The following KHDRBS2 variants were observed in gnomAD, a reference collection of about 807,000 sequenced individuals.
KHDRBS2 encodes KH domain-containing, RNA-binding, signal transduction-associated protein 2.
KHDRBS2 carries 26 observed loss-of-function variants against 44.3 expected under a neutral mutation model. That is an observed-to-expected ratio of 0.59 (90% CI 0.43 to 0.81). KHDRBS2 has a LOEUF of 0.81. Among genes scored for constraint, KHDRBS2 ranks in the 40% least tolerant of loss-of-function variants. The pLI is 0.00. For synonymous variants in KHDRBS2, 194 were observed against 151.1 expected (o/e 1.28, Z -2.08); for missense variants, 476 against 433.1 (o/e 1.10, Z -0.88).
In KHDRBS2 at chr6:62,034,870, C is replaced by T. The variant is rs532235352; in HGVS notation, c.336+13008G>A. Among the ~76,000 whole-genome samples the T allele has an allele frequency of 1.3e-4, 20 of 151,630 alleles. No homozygotes were observed. The East Asian group carries it at 1.4e-3, about 10-fold the overall frequency. On this transcript the variant is annotated intron_variant, in intron 3 of 8. Transcript: ENST00000281156. ...GAAAAGAACATATGTAAGTAGCAAA[C>T]GAATATATGAAAAGGTGTCCACATC...
the KHDRBS2 span, among the ~76,000 whole-genome samples, chr6:61,551,434 T>G: frequency 6.6e-6 from 1 of 152,330 alleles, no homozygotes; most frequent in African/African-American, 2.4e-5. Context: ...TCATGAAATC[T>G]TTTTCCATTC....
intron 1 of KHDRBS2, among the ~76,000 whole-genome samples, chr6:62,277,124 C>A (rs1438260138): frequency 6.6e-6 from 1 of 152,022 alleles, no homozygotes; most frequent in African/African-American, 2.4e-5. Context: ...TTATGACTTT[C>A]TCTGAATTCC....
chr6:62,005,493 A>T (rs1779043615), intron 3 of KHDRBS2, among the ~76,000 whole-genome samples: 3 of 151,948 alleles, frequency 2.0e-5, no homozygotes, highest in Non-Finnish European at 4.4e-5. Flanking sequence ...ATCTCCTAGA[A>T]TATGAATTTC....
the KHDRBS2 span, among the ~76,000 whole-genome samples, chr6:61,651,764 T>C: frequency 6.6e-6 from 1 of 152,096 alleles, no homozygotes; most frequent in Non-Finnish European, 1.5e-5. Flanking sequence ...TGTTTAGTCA[T>C]CAGAATTTTT....
rs1459509813 is a variant in KHDRBS2, at chr6:61,945,108, AAAAAGTATATATATATATATATATATAT to A, written c.483+32930_483+32957del. Among the ~76,000 whole-genome samples the A allele has an allele frequency of 3.5e-3, 191 of 54,992 alleles. 15 individuals carry two copies. Among genetic ancestry groups the A allele is most frequent in the African/African-American group, 0.018 (187 of 10,322 alleles). The allele number at this position is 54,992 out of a possible 152,430, so 36.1% of individuals were successfully genotyped here. A position where few individuals can be genotyped will look rare whatever the true frequency, so the allele number is the denominator to read the frequency against. On this transcript the variant is annotated intron_variant, in intron 4 of 8. Transcript: ENST00000281156. ...TCTGTCTTAAAAAAAAAAAAAAAAA[AAAAAGTATATATATATATATATATATAT>A]ATATATATATATATACACACAGACT...
At chr6:62,118,949 C>T (rs1160161726) in intron 2 of KHDRBS2, among the ~76,000 whole-genome samples, 1 of 152,146 alleles carries the variant, frequency 6.6e-6, no homozygotes, top group Non-Finnish European at 1.5e-5. Flanking sequence ...GGAATTTCAC[C>T]TTGTGGTCAT....
At position 61,954,832 on chromosome 6, in the gene KHDRBS2, A is replaced by ATACG. The variant is rs1562513534; in HGVS notation, c.483+23233_483+23234insCGTA. Among the ~76,000 whole-genome samples, 31 of 90,644 alleles carry ATACG rather than the reference A, an allele frequency of 3.4e-4. 7 individuals carry two copies. The highest frequency in any genetic ancestry group is 1.5e-3 in the East Asian group (3 of 1,980). The allele number at this position is 90,644 out of a possible 152,430, so 59.5% of individuals were successfully genotyped here. Reference sequence around the variant, plus strand: ...CATACGCATGTGTATATACACATGCATATGTATGTATACATATGCATGTGT... The same window carrying ATACG: ...CATACGCATGTGTATATACACATGCATACGTATGTATGTATACATATGCATGTGT... On this transcript the variant is annotated intron_variant, in intron 4 of 8. Coordinates refer to ENST00000281156, the MANE Select transcript of KHDRBS2 (RefSeq NM_152688.4).
chr6:62,125,819 A>T (rs1316395996), intron 2 of KHDRBS2, among the ~76,000 whole-genome samples: 1 of 152,116 alleles, frequency 6.6e-6, no homozygotes, highest in Admixed American at 6.5e-5. Flanking sequence ...AGAGCCTCTG[A>T]TCCTAAATAA....
intron 2 of KHDRBS2, among the ~76,000 whole-genome samples, chr6:62,140,679 T>C (rs1584923907): frequency 6.6e-6 from 1 of 152,224 alleles, no homozygotes; most frequent in East Asian, 1.9e-4. Flanking sequence ...CCCAGAAGTA[T>C]TAAGAACCTC....
intron 1 of KHDRBS2, among the ~76,000 whole-genome samples, chr6:62,252,588 C>G (rs758275737): frequency 6.6e-6 from 1 of 151,934 alleles, no homozygotes; most frequent in African/African-American, 2.4e-5. Flanking sequence ...CTACTAGCCT[C>G]TGGATGAGTC....
intron 1 of KHDRBS2, among the ~76,000 whole-genome samples, chr6:62,278,044 TA>T (rs1285889190): frequency 2.6e-5 from 4 of 152,208 alleles, no homozygotes; most frequent in Non-Finnish European, 5.9e-5. Flanking sequence ...ATTCCACCTC[TA>T]AAAAAATTTC....
chr6:62,127,374 A>G (rs1196798845), intron 2 of KHDRBS2, among the ~76,000 whole-genome samples: 4 of 152,180 alleles, frequency 2.6e-5, no homozygotes, highest in South Asian at 2.1e-4. Context: ...CCTCTTAAAC[A>G]TAAGAGTGAA....
chr6:61,753,543 A>G (rs534296893), intron 6 of KHDRBS2, among the ~76,000 whole-genome samples: 7 of 152,278 alleles, frequency 4.6e-5, no homozygotes, highest in African/African-American at 1.7e-4. Flanking sequence ...GAGTTAATCA[A>G]TAGGATCTTT....
intron 4 of KHDRBS2, among the ~76,000 whole-genome samples, chr6:61,906,193 A>G (rs1804981529): frequency 6.6e-6 from 1 of 152,074 alleles, no homozygotes; most frequent in South Asian, 2.1e-4. Flanking sequence ...TGAACTCTTA[A>G]ATACTGTCTA....
At chr6:61,727,061 G>C (rs537481974) in intron 7 of KHDRBS2, among the ~76,000 whole-genome samples, 11 of 152,148 alleles carry the variant, frequency 7.2e-5, no homozygotes, top group African/African-American at 2.4e-4. Context: ...CACAATACTG[G>C]TACAAAAACA....
chr6:61,763,351 A>G (rs765765885), intron 6 of KHDRBS2, among the ~76,000 whole-genome samples: 2 of 152,204 alleles, frequency 1.3e-5, no homozygotes, highest in Non-Finnish European at 2.9e-5. Flanking sequence ...ATGCTGTTGT[A>G]ACTCTAACTT....
the KHDRBS2 span, among the ~76,000 whole-genome samples, chr6:61,563,524 C>T: frequency 6.6e-6 from 1 of 152,026 alleles, no homozygotes; most frequent in African/African-American, 2.4e-5. Context: ...CTGACCTTTA[C>T]TCTACTAATG....
intron 6 of KHDRBS2, among the ~76,000 whole-genome samples, chr6:61,827,581 T>C (rs1294520204): frequency 6.6e-6 from 1 of 152,180 alleles, no homozygotes; most frequent in Non-Finnish European, 1.5e-5. Flanking sequence ...CTGGGGTATA[T>C]ATTTGTCCAC....
At chr6:61,707,186 C>T (rs1445638676) in intron 7 of KHDRBS2, among the ~76,000 whole-genome samples, 1 of 151,446 alleles carries the variant, frequency 6.6e-6, no homozygotes, top group Admixed American at 6.6e-5. Context: ...GAGGGGTGTA[C>T]TTAGGATAGT....
Sources: allele counts gnomAD v4.1 joint callset (sites outside exome capture counted in the v4.1 genomes callset), GRCh38; gene constraint gnomAD v4.1.1; transcripts MANE v1.5; gene names NCBI Gene and HGNC (gene_info 2026-07-23, HGNC 2026-07-21).